RYR3: variants seen among roughly 807,000 people sequenced by gnomAD.
RYR3 encodes the protein brain ryanodine receptor-calcium release channel.
In RYR3, 207 loss-of-function variants were observed where a neutral mutation model predicts 584.3. That is an observed-to-expected ratio of 0.35 (90% CI 0.32 to 0.40). The LOEUF (loss-of-function observed/expected upper bound fraction) is 0.40, where lower values mean the gene tolerates loss of function less well. RYR3 is among the 10% of genes least tolerant of loss of function. The pLI is 1.00. For missense variants in RYR3, 5,616 were observed against 6,089.2 expected (o/e 0.92, Z 2.59); for synonymous variants, 2,416 against 2,248.5 (o/e 1.07, Z -2.11).
intron 67 of RYR3, among the ~76,000 whole-genome samples, chr15:33,790,617 A>G (rs549558719): frequency 6.6e-6 from 1 of 152,318 alleles, no homozygotes; most frequent in African/African-American, 2.4e-5. Flanking sequence ...TTAGTTGCCT[A>G]TTCAATAGAA....
intron 38 of RYR3, among the ~76,000 whole-genome samples, chr15:33,671,814 T>C (rs1413397724): frequency 6.1e-5 from 6 of 98,348 alleles, no homozygotes; most frequent in African/African-American, 8.7e-5. Context: ...TCTTTTTTTT[T>C]TTTTTTTTTT....
At chr15:33,380,561 A>G (rs1274087036) in intron 1 of RYR3, among the ~76,000 whole-genome samples, 1 of 152,260 alleles carries the variant, frequency 6.6e-6, no homozygotes, top group Non-Finnish European at 1.5e-5. Flanking sequence ...AGGGCTAAAT[A>G]TAGCAAATTC....
chr15:33,803,516 C>CT (rs905368665), intron 69 of RYR3, among the ~76,000 whole-genome samples: 23 of 150,022 alleles, frequency 1.5e-4, no homozygotes, highest in East Asian at 9.8e-4. Context: ...TCCATACTAT[C>CT]TTTTTTTTTT....
intron 12 of RYR3, among the ~76,000 whole-genome samples, chr15:33,577,466 C>T (rs943074780): frequency 1.3e-5 from 2 of 152,136 alleles, no homozygotes. Context: ...TAAGACCGCA[C>T]ATCTACAACC....
At chr15:33,417,036 T>C (rs1167518202) in intron 1 of RYR3, among the ~76,000 whole-genome samples, 2 of 152,204 alleles carry the variant, frequency 1.3e-5, no homozygotes, top group African/African-American at 4.8e-5. Context: ...CCTATTCAGT[T>C]CTATTCATGT....
intron 1 of RYR3, among the ~76,000 whole-genome samples, chr15:33,456,042 T>A (rs2047530891): frequency 6.6e-6 from 1 of 152,202 alleles, no homozygotes; most frequent in Non-Finnish European, 1.5e-5. Flanking sequence ...GTATTCTGTG[T>A]GTGAATAACT....
At chr15:33,821,757 C>A (rs1375552025) in intron 80 of RYR3, among the ~76,000 whole-genome samples, 155 bp downstream of exon 80, 1 of 152,100 alleles carries the variant, frequency 6.6e-6, no homozygotes, top group Non-Finnish European at 1.5e-5. Flanking sequence ...ATCAGAGTAG[C>A]TGGGAACGCA....
In RYR3 at chr15:33,348,325, C is replaced by A. The variant is rs142123590; in HGVS notation, c.51+37229C>A. ...GCAGTTCCTATAGCCTGTAGTCTTACAGACTTCATTCATTTCCAGAGTTAC... is the reference window on the plus strand; with the variant it reads ...GCAGTTCCTATAGCCTGTAGTCTTAAAGACTTCATTCATTTCCAGAGTTAC... On this transcript the variant is annotated intron_variant, in intron 1 of 103. Transcript: ENST00000634891. Among the ~76,000 whole-genome samples, 765 of 152,304 alleles carry A rather than the reference C, an allele frequency of 5.0e-3. 6 individuals are homozygous for A. Among genetic ancestry groups the A allele is most frequent in the African/African-American group, 0.018 (730 of 41,564 alleles).
At chr15:33,833,049 G>A (rs1303851656) in intron 86 of RYR3, among the ~76,000 whole-genome samples, 2 of 151,176 alleles carry the variant, frequency 1.3e-5, no homozygotes, top group African/African-American at 2.4e-5. Context: ...GTCTCCATAG[G>A]ACCACGTAGG....
intron 98 of RYR3, among the ~76,000 whole-genome samples, chr15:33,857,375 C>A (rs1270061651): frequency 1.3e-5 from 2 of 151,676 alleles, no homozygotes; most frequent in African/African-American, 4.9e-5. Flanking sequence ...TCTCCAACTC[C>A]TTTTCTTCTA....
intron 9 of RYR3, 114 bp from the exon 10 acceptor site, chr15:33,550,046 A>G: frequency 9.1e-7 from 1 of 1,100,426 alleles, no homozygotes; most frequent in Non-Finnish European, 1.3e-6. Context: ...TCCCTTAAGG[A>G]TGGACACCAG....
chr15:33,755,907 T>C, intron 58 of RYR3, among the ~76,000 whole-genome samples: 1 of 152,074 alleles, frequency 6.6e-6, no homozygotes, highest in East Asian at 1.9e-4. Context: ...GTAGCTGGAA[T>C]TACAGGTGCC....
At chr15:33,837,344 C>G (rs1244186452) in intron 88 of RYR3, among the ~76,000 whole-genome samples, 1 of 152,146 alleles carries the variant, frequency 6.6e-6, no homozygotes, top group Non-Finnish European at 1.5e-5. Flanking sequence ...CAAAGGGACA[C>G]CATGTATCCC....
intron 36 of RYR3, 60 bp from the exon 37 acceptor site, chr15:33,669,294 T>C: frequency 7.4e-7 from 1 of 1,345,340 alleles, no homozygotes; most frequent in South Asian, 1.2e-5. Context: ...TAAGGCAGGA[T>C]CTGAGTTCCC....
At chr15:33,671,413 G>T (rs1227558586) in intron 38 of RYR3, among the ~76,000 whole-genome samples, 3 of 152,206 alleles carry the variant, frequency 2.0e-5, no homozygotes, top group Non-Finnish European at 2.9e-5. Context: ...TGTCAAGATA[G>T]GATCAGTTTG....
At chr15:33,588,399 A>G (rs2058962221) in intron 16 of RYR3, among the ~76,000 whole-genome samples, 1 of 152,236 alleles carries the variant, frequency 6.6e-6, no homozygotes, top group South Asian at 2.1e-4. Flanking sequence ...TTTTAGTTTT[A>G]TAATTATCTA....
chr15:33,596,559 C>T (rs1183126262), intron 16 of RYR3, among the ~76,000 whole-genome samples: 1 of 150,950 alleles, frequency 6.6e-6, no homozygotes, highest in East Asian at 1.9e-4. Flanking sequence ...AATACTTGTA[C>T]ATGTTCATGG....
At chr15:33,695,374 C>G (rs970604010) in intron 38 of RYR3, among the ~76,000 whole-genome samples, 1 of 152,198 alleles carries the variant, frequency 6.6e-6, no homozygotes, top group South Asian at 2.1e-4. Flanking sequence ...GAAGGTTCCA[C>G]AGCTGTTTTG....
intron 1 of RYR3, among the ~76,000 whole-genome samples, chr15:33,387,278 G>A (rs2676054): frequency 0.75 from 113,813 of 152,160 alleles, 42,709 homozygotes; most frequent in Non-Finnish European, 0.79. Context: ...TGTGAATAGT[G>A]CTGCTGTGAA....
Sources: allele counts gnomAD v4.1 joint callset (sites outside exome capture counted in the v4.1 genomes callset), GRCh38; gene constraint gnomAD v4.1.1; transcripts MANE v1.5; gene names NCBI Gene and HGNC (gene_info 2026-07-23, HGNC 2026-07-21).